ENOX2: variants seen among roughly 807,000 people sequenced by gnomAD.
ENOX2 encodes ecto-NOX disulfide-thiol exchanger 2.
ENOX2 carries 36 observed loss-of-function variants against 45.0 expected under a neutral mutation model. The ratio of observed to expected loss-of-function variants is 0.80; its 90% confidence interval spans 0.61 to 1.06. The LOEUF is 1.06. Ranked by LOEUF, ENOX2 falls within the 50% of genes least tolerant of loss-of-function variation. The pLI is 0.00. For synonymous variants in ENOX2, 174 were observed against 152.3 expected (o/e 1.14, Z -1.05); for missense variants, 423 against 462.5 (o/e 0.91, Z 0.78).
chrX:130,880,311 T>C (rs1199413493), intron 2 of ENOX2, among the ~76,000 whole-genome samples: 1 of 111,778 alleles, frequency 8.9e-6, no homozygotes, highest in Non-Finnish European at 1.9e-5. Flanking sequence ...TTTCCATAGA[T>C]AACAATAGTC....
At chrX:130,866,504 A>G (rs142046131) in intron 2 of ENOX2, among the ~76,000 whole-genome samples, 4,921 of 111,635 alleles carry the variant, frequency 0.044, 135 homozygotes, top group African/African-American at 0.1. Context: ...CAAACTATTT[A>G]CTCCAGCTGG....
At chrX:130,838,361 G>T (rs768103769) in intron 2 of ENOX2, among the ~76,000 whole-genome samples, 8 of 111,661 alleles carry the variant, frequency 7.2e-5, no homozygotes, top group African/African-American at 2.6e-4. Context: ...CGGCCTGGGG[G>T]ACAAGAGCGA....
chrX:130,666,832 C>T (rs1339175861), intron 8 of ENOX2, among the ~76,000 whole-genome samples: 1 of 111,570 alleles, frequency 9.0e-6, no homozygotes, highest in African/African-American at 3.3e-5. Context: ...TAAAATTATA[C>T]CCTTATTCTT....
intron 2 of ENOX2, among the ~76,000 whole-genome samples, chrX:130,790,638 A>G (rs1205393996): frequency 4.5e-5 from 5 of 112,262 alleles, no homozygotes; most frequent in African/African-American, 9.7e-5. Flanking sequence ...GCATTCACTG[A>G]ATCCATCCAG....
intron 2 of ENOX2, among the ~76,000 whole-genome samples, chrX:130,887,168 A>G (rs2078918847): frequency 9.0e-6 from 1 of 111,705 alleles, no homozygotes; most frequent in Non-Finnish European, 1.9e-5. Context: ...AAAGAAATGC[A>G]CTTTGAAACA....
intron 2 of ENOX2, among the ~76,000 whole-genome samples, chrX:130,876,154 A>AT (rs763908806): frequency 4.4e-4 from 49 of 112,143 alleles, no homozygotes; most frequent in African/African-American, 1.3e-3. Flanking sequence ...AAACTTATAC[A>AT]TTAATGCTCA....
chrX:130,862,287 T>C (rs1215061251), intron 2 of ENOX2, among the ~76,000 whole-genome samples: 1 of 111,232 alleles, frequency 9.0e-6, no homozygotes, highest in Non-Finnish European at 1.9e-5. Context: ...CTCTCTCGTC[T>C]GAAGGTCTTT....
chrX:130,632,956 G>C (rs753547261), intron 12 of ENOX2, among the ~76,000 whole-genome samples: 38 of 112,346 alleles, frequency 3.4e-4, no homozygotes, highest in Admixed American at 5.6e-4. Context: ...CGTTTCTTAA[G>C]TGTGAGAGTT....
chrX:130,850,924 C>CA (rs1346301184), intron 2 of ENOX2, among the ~76,000 whole-genome samples: 2 of 112,462 alleles, frequency 1.8e-5, no homozygotes, highest in Non-Finnish European at 3.8e-5. Flanking sequence ...TTTTTGCACT[C>CA]AAAGTCAGCC....
intron 10 of ENOX2, among the ~76,000 whole-genome samples, chrX:130,642,126 G>T (rs1454739303): frequency 8.9e-6 from 1 of 112,376 alleles, no homozygotes; most frequent in African/African-American, 3.2e-5. Flanking sequence ...AAACCTTCTG[G>T]AAAGGATTCA....
chrX:130,752,097 C>G (rs1412302183), intron 3 of ENOX2, among the ~76,000 whole-genome samples: 7 of 111,469 alleles, frequency 6.3e-5, no homozygotes, highest in Non-Finnish European at 1.9e-5. Context: ...GTCTTTGTAT[C>G]AATATGTCCC....
intron 10 of ENOX2, among the ~76,000 whole-genome samples, chrX:130,642,622 T>C (rs1042107657): frequency 8.9e-6 from 1 of 111,975 alleles, no homozygotes; most frequent in African/African-American, 3.2e-5. Context: ...ATTGATATAG[T>C]ATACATTATT....
chrX:130,712,526 C>A (rs2038220231), intron 3 of ENOX2, among the ~76,000 whole-genome samples: 1 of 111,327 alleles, frequency 9.0e-6, no homozygotes, highest in Admixed American at 9.5e-5. Context: ...CAGGGGCATT[C>A]CACTGGAACA....
At chrX:130,814,139 G>T (rs780740490) in intron 2 of ENOX2, among the ~76,000 whole-genome samples, 2 of 112,324 alleles carry the variant, frequency 1.8e-5, no homozygotes, top group African/African-American at 3.2e-5. Context: ...AGGTTCGAAG[G>T]GGGTGGAGCC....
At chrX:130,643,944 G>A (rs1362840394) in intron 10 of ENOX2, among the ~76,000 whole-genome samples, 1 of 111,597 alleles carries the variant, frequency 9.0e-6, no homozygotes, top group Non-Finnish European at 1.9e-5. Flanking sequence ...GGGCCATAAA[G>A]CACACCTTAA....
intron 4 of ENOX2, among the ~76,000 whole-genome samples, chrX:130,690,386 G>C (rs1267654968): frequency 8.9e-6 from 1 of 111,775 alleles, no homozygotes; most frequent in Non-Finnish European, 1.9e-5. Context: ...GGCTGGTATT[G>C]ATTTCATTGT....
intron 12 of ENOX2, among the ~76,000 whole-genome samples, chrX:130,632,131 G>A (rs183979200): frequency 9.0e-6 from 1 of 111,148 alleles, no homozygotes; most frequent in East Asian, 2.9e-4. Flanking sequence ...TCAACTGTTG[G>A]TTTTTGAACT....
rs756050698 is a variant in ENOX2 at position 130,636,807 on chromosome X, G to A, written c.1311+422C>T. On this transcript the variant is annotated intron_variant, in intron 11 of 14. Transcript: ENST00000394363. ...CCTATTTCTACTGAAATCAAGGGTCGATTCCTGCCATTCCTTTTAAAAGGC... is the reference window on the plus strand; with the variant it reads ...CCTATTTCTACTGAAATCAAGGGTCAATTCCTGCCATTCCTTTTAAAAGGC... Among the ~76,000 whole-genome samples, 217 of 111,895 alleles carry A rather than the reference G, an allele frequency of 1.9e-3. 1 individual carries two copies. Among genetic ancestry groups the A allele is most frequent in the South Asian group, 8.3e-3 (22 of 2,661 alleles).
At chrX:130,628,898 ATT>A (rs199832451) in intron 13 of ENOX2, among the ~76,000 whole-genome samples, 4 of 103,362 alleles carry the variant, frequency 3.9e-5, no homozygotes, top group Non-Finnish European at 6.0e-5. Context: ...CTTTCTTTCA[ATT>A]TTTTTTTTTT....
Sources: allele counts gnomAD v4.1 joint callset (sites outside exome capture counted in the v4.1 genomes callset), GRCh38; gene constraint gnomAD v4.1.1; transcripts MANE v1.5; gene names NCBI Gene and HGNC (gene_info 2026-07-23, HGNC 2026-07-21).